The following PTPN4 variants were observed in gnomAD, a reference collection of about 807,000 sequenced individuals.
PTPN4 encodes the protein protein tyrosine phosphatase non-receptor type 4, also known as tyrosine-protein phosphatase non-receptor type 4.
Under a neutral mutation model 135.5 loss-of-function variants are expected in PTPN4, and 49 were observed. The observed-to-expected ratio is 0.36, with a 90% CI of 0.29 to 0.46. PTPN4 has a LOEUF of 0.46. PTPN4 is among the 20% of genes least tolerant of loss of function. The pLI is 1.00. For synonymous variants in PTPN4, 333 were observed against 369.9 expected, an observed-to-expected ratio of 0.90 and a Z score of 1.14; for missense variants, 860 against 1,101.0, an observed-to-expected ratio of 0.78 and a Z score of 3.10.
chr2:119,872,708 T>C (rs1266437891), intron 3 of PTPN4, among the ~76,000 whole-genome samples: 1 of 152,146 alleles, frequency 6.6e-6, no homozygotes, highest in Admixed American at 6.5e-5. Context: ...TTTCATGACT[T>C]ACCAGTTTTT....
At chr2:119,962,979 G>A (rs1277750777) in intron 24 of PTPN4, among the ~76,000 whole-genome samples, 1 of 152,048 alleles carries the variant, frequency 6.6e-6, no homozygotes, top group Non-Finnish European at 1.5e-5. Flanking sequence ...CAGTGAAAAA[G>A]TAGTCTGGTA....
chr2:119,959,265 A>G (rs1679330802), intron 22 of PTPN4, among the ~76,000 whole-genome samples: 1 of 151,760 alleles, frequency 6.6e-6, no homozygotes, highest in Admixed American at 6.6e-5. Context: ...TAGCAAAACC[A>G]CAATACTATT....
chr2:119,791,882 C>G (rs1451108503), intron 1 of PTPN4, among the ~76,000 whole-genome samples: 2 of 152,072 alleles, frequency 1.3e-5, no homozygotes, highest in African/African-American at 4.8e-5. Flanking sequence ...CTGTCAGCCC[C>G]CTTTTCTGTC....
intron 2 of PTPN4, among the ~76,000 whole-genome samples, chr2:119,823,881 T>A (rs531615485): frequency 2.6e-4 from 40 of 152,214 alleles, no homozygotes; most frequent in Non-Finnish European, 5.7e-4. Flanking sequence ...TATGGTAAAC[T>A]CACTCTCGAA....
intron 2 of PTPN4, among the ~76,000 whole-genome samples, chr2:119,850,442 T>A (rs575525172): frequency 1.3e-5 from 2 of 152,348 alleles, no homozygotes; most frequent in African/African-American, 4.8e-5. Flanking sequence ...GGAAGGTTGC[T>A]TTTGATTCTT....
intron 3 of PTPN4, 62 bp downstream of exon 3, chr2:119,862,705 G>C: frequency 7.2e-7 from 1 of 1,379,716 alleles, no homozygotes; most frequent in Non-Finnish European, 1.0e-6. Flanking sequence ...AGTGTAGAAA[G>C]TCCTTTCTGA....
At chr2:119,806,927 C>T (rs1001512628) in intron 1 of PTPN4, among the ~76,000 whole-genome samples, 1 of 152,212 alleles carries the variant, frequency 6.6e-6, no homozygotes, top group Admixed American at 6.5e-5. Context: ...AAGAAACTCA[C>T]ACAAAACCAC....
At chr2:119,961,409 G>A (rs939621084) in intron 23 of PTPN4, among the ~76,000 whole-genome samples, 5 of 152,232 alleles carry the variant, frequency 3.3e-5, no homozygotes, top group African/African-American at 1.2e-4. Context: ...TAAAAAGGAC[G>A]TATAAAAACA....
intron 2 of PTPN4, among the ~76,000 whole-genome samples, chr2:119,854,933 C>G (rs1199267471): frequency 1.3e-5 from 2 of 152,070 alleles, no homozygotes; most frequent in Admixed American, 1.3e-4. Context: ...CAGGTACCTC[C>G]TACTTCAGCT....
chr2:119,917,615 C>T (rs1209016448), intron 11 of PTPN4, among the ~76,000 whole-genome samples: 2 of 151,942 alleles, frequency 1.3e-5, no homozygotes, highest in Admixed American at 6.6e-5. Context: ...CTGTATTTCC[C>T]GTTGCTTGGG....
chr2:119,764,608 T>A (rs1690572358), intron 1 of PTPN4, among the ~76,000 whole-genome samples: 1 of 152,160 alleles, frequency 6.6e-6, no homozygotes, highest in Non-Finnish European at 1.5e-5. Context: ...TAATATATGC[T>A]TGTTTAGATA....
chr2:119,820,615 T>A (rs1433480380), intron 2 of PTPN4, among the ~76,000 whole-genome samples: 1 of 152,202 alleles, frequency 6.6e-6, no homozygotes, highest in Admixed American at 6.5e-5. Context: ...CATAATACTC[T>A]AGAGAAGAAA....
At chr2:119,784,389 T>TC in intron 1 of PTPN4, among the ~76,000 whole-genome samples, 1 of 146,192 alleles carries the variant, frequency 6.8e-6, no homozygotes, top group East Asian at 2.0e-4. Context: ...ACCTAATTTT[T>TC]TTTTTTTTTT....
intron 9 of PTPN4, among the ~76,000 whole-genome samples, chr2:119,892,252 T>C (rs1678251371): frequency 6.6e-6 from 1 of 152,216 alleles, no homozygotes; most frequent in Non-Finnish European, 1.5e-5. Flanking sequence ...GGGAGACTCA[T>C]GAGGGAGCTT....
intron 1 of PTPN4, among the ~76,000 whole-genome samples, chr2:119,763,713 T>C (rs1443211763): frequency 6.6e-6 from 1 of 152,226 alleles, no homozygotes; most frequent in Non-Finnish European, 1.5e-5. Context: ...CTGTTAGTTA[T>C]GGTAGCCATT....
intron 1 of PTPN4, among the ~76,000 whole-genome samples, chr2:119,763,040 G>A (rs1690537808): frequency 1.3e-5 from 2 of 152,234 alleles, no homozygotes; most frequent in South Asian, 4.1e-4. Context: ...TGATGAGATA[G>A]GATATAATGT....
intron 9 of PTPN4, among the ~76,000 whole-genome samples, chr2:119,893,498 G>A (rs752773084): frequency 1.3e-5 from 2 of 152,176 alleles, no homozygotes; most frequent in African/African-American, 2.4e-5. Context: ...GAGTTGAGAG[G>A]AAAAGTCTGG....
At chr2:119,790,990 A>G (rs1385445407) in intron 1 of PTPN4, among the ~76,000 whole-genome samples, 1 of 152,124 alleles carries the variant, frequency 6.6e-6, no homozygotes, top group Non-Finnish European at 1.5e-5. Flanking sequence ...TGTCACACAA[A>G]TTGCATCTTT....
intron 10 of PTPN4, among the ~76,000 whole-genome samples, chr2:119,913,859 C>CA (rs1225694916): frequency 6.6e-6 from 1 of 151,064 alleles, no homozygotes; most frequent in Non-Finnish European, 1.5e-5. Flanking sequence ...ATATAGAAGC[C>CA]AAAAAAACGG....
Sources: allele counts gnomAD v4.1 joint callset (sites outside exome capture counted in the v4.1 genomes callset), GRCh38; gene constraint gnomAD v4.1.1; transcripts MANE v1.5; gene names NCBI Gene and HGNC (gene_info 2026-07-23, HGNC 2026-07-21).